PIWIL2: variants seen among roughly 807,000 people sequenced by gnomAD.
PIWIL2 encodes piwi like RNA-mediated gene silencing 2.
Under a neutral mutation model 116.5 loss-of-function variants are expected in PIWIL2, and 81 were observed. The observed-to-expected ratio is 0.70, with a 90% confidence interval of 0.58 to 0.84. The LOEUF is 0.84. PIWIL2 is among the 40% of genes least tolerant of loss of function. PIWIL2 has a pLI of 0.00. For synonymous variants in PIWIL2, 489 were observed against 429.5 expected (o/e 1.14, Z -1.71); for missense variants, 1,272 against 1,212.3 (o/e 1.05, Z -0.73).
At chr8:22,350,612 A>G (rs763585494) in intron 20 of PIWIL2, among the ~76,000 whole-genome samples, 2 of 152,136 alleles carry the variant, frequency 1.3e-5, no homozygotes, top group Non-Finnish European at 2.9e-5. Flanking sequence ...AATAAATAAA[A>G]AGTACCACAA....
At chr8:22,277,035 T>A (rs11780816) in intron 1 of PIWIL2, among the ~76,000 whole-genome samples, 9,997 of 133,656 alleles carry the variant, frequency 0.075, 416 homozygotes, top group Non-Finnish European at 0.12. Context: ...ATATATATAT[T>A]TTTTTTTTTG....
chr8:22,337,592 G>A (rs1044126277), intron 20 of PIWIL2, among the ~76,000 whole-genome samples: 5 of 151,426 alleles, frequency 3.3e-5, no homozygotes, highest in Admixed American at 1.3e-4. Context: ...ATAGCTGGGC[G>A]TGGTGGTGCA....
chr8:22,320,253 G>A (rs1276112289), intron 20 of PIWIL2, among the ~76,000 whole-genome samples: 3 of 137,038 alleles, frequency 2.2e-5, no homozygotes, highest in Non-Finnish European at 4.7e-5. Flanking sequence ...GAGCTGCTGC[G>A]CCCGGCTTTT....
At chr8:22,326,530 C>CATCTA (rs1361568504) in intron 20 of PIWIL2, among the ~76,000 whole-genome samples, 4 of 152,148 alleles carry the variant, frequency 2.6e-5, no homozygotes, top group African/African-American at 4.8e-5. Flanking sequence ...TTTCTGGTAA[C>CATCTA]ATCTAATTTG....
At chr8:22,355,309 T>C (rs1394413302) in intron 22 of PIWIL2, 40 bp from the exon 23 acceptor site, 3 of 1,605,906 alleles carry the variant, frequency 1.9e-6, no homozygotes, top group Non-Finnish European at 1.7e-6. Flanking sequence ...AAATTGAAGG[T>C]GGGGGATGAT....
At chr8:22,346,687 G>A (rs1012837929) in intron 20 of PIWIL2, among the ~76,000 whole-genome samples, 14 of 152,068 alleles carry the variant, frequency 9.2e-5, no homozygotes, top group African/African-American at 1.9e-4. Context: ...TTATTTATAT[G>A]GATACATATC....
At chr8:22,351,966 A>G (rs755818637) in intron 20 of PIWIL2, among the ~76,000 whole-genome samples, 25 of 152,120 alleles carry the variant, frequency 1.6e-4, no homozygotes, top group Non-Finnish European at 2.1e-4. Flanking sequence ...AAGTGAACTT[A>G]CCCTCTTGAA....
intron 16 of PIWIL2, among the ~76,000 whole-genome samples, chr8:22,313,153 C>T (rs542085890): frequency 5.3e-5 from 8 of 152,280 alleles, no homozygotes; most frequent in South Asian, 2.1e-4. Context: ...TCATTCATAT[C>T]GCTTACCAAC....
At chr8:22,327,024 C>CTTTTTTTTTTTTTTTTTTTT (rs71544876) in intron 20 of PIWIL2, among the ~76,000 whole-genome samples, 1 of 105,470 alleles carries the variant, frequency 9.5e-6, no homozygotes, top group African/African-American at 3.7e-5. Flanking sequence ...TGTTTTTTTA[C>CTTTTTTTTTTTTTTTTTTTT]TTTTTTTTTT....
chr8:22,287,629 C>T lies in PIWIL2; in HGVS notation c.845C>T (p.Pro282Leu), dbSNP rs1474952510. 4 of 1,602,462 alleles carry T rather than the reference C, an allele frequency of 2.5e-6. No homozygotes were observed. Among genetic ancestry groups the T allele is most frequent in the Non-Finnish European group, 3.4e-6 (4 of 1,169,410 alleles). Residue 282 changes from proline (P) to leucine (L), a missense_variant, in exon 7 of 23, where the codon CCT becomes CTT. By Grantham distance (98) the Pro-to-Leu change is moderately conservative. Coordinates refer to ENST00000356766, the MANE Select transcript of PIWIL2 (RefSeq NM_018068.5). ...TAFDGSILYL[P>L]VKLQQVLELK... ...TTTGATGGATCTATTCTCTATCTGC[C>T]TGTTAAGCTTCAACAAGTGAGACCA... is the stretch of plus-strand genomic sequence containing the variant.
intron 20 of PIWIL2, among the ~76,000 whole-genome samples, chr8:22,329,494 A>G (rs562653621): frequency 1.3e-5 from 2 of 152,308 alleles, no homozygotes; most frequent in Non-Finnish European, 2.9e-5. Flanking sequence ...GTGAGAGAGA[A>G]GAAGAGGCGG....
chr8:22,312,194 G>A (rs773121304), intron 16 of PIWIL2, among the ~76,000 whole-genome samples: 9 of 151,570 alleles, frequency 5.9e-5, no homozygotes, highest in Non-Finnish European at 1.3e-4. Flanking sequence ...AGCCTGGGGA[G>A]GTTGAGGCTG....
intron 18 of PIWIL2, among the ~76,000 whole-genome samples, chr8:22,315,493 T>C (rs1831436955): frequency 7.7e-6 from 1 of 129,148 alleles, no homozygotes; most frequent in African/African-American, 5.0e-5. Flanking sequence ...ATTTTTGTAT[T>C]TTTAGTACAG....
At chr8:22,289,152 CTTTTTTT>C (rs374688951) in intron 8 of PIWIL2, among the ~76,000 whole-genome samples, 55 of 135,312 alleles carry the variant, frequency 4.1e-4, no homozygotes, top group African/African-American at 1.4e-3. Flanking sequence ...TTTCTTTTTT[CTTTTTTT>C]TTTTTTTTTT....
Position 22,283,254 on chromosome 8 carries a change from A to G in PIWIL2, c.632+14A>G. 2.5e-6 allele frequency: 4 copies of G among 1,580,020 alleles called. No homozygotes were observed. The highest frequency in any genetic ancestry group is 2.6e-6 in the Non-Finnish European group (3 of 1,149,518). On this transcript the variant is annotated intron_variant, in intron 5 of 22. Coordinates refer to ENST00000356766, the MANE Select transcript of PIWIL2 (RefSeq NM_018068.5). Reference sequence around the variant, plus strand: ...ACACAAGGAAAAGTAAGTCAGGAGCACTGCCTTCTCTACTTAGTAATGATC... The same window carrying G: ...ACACAAGGAAAAGTAAGTCAGGAGCGCTGCCTTCTCTACTTAGTAATGATC...
At position 22,355,749 on chromosome 8, in the gene PIWIL2, T is replaced by C; in HGVS notation, c.*244T>C. 1 of 489,046 alleles carries C rather than the reference T, an allele frequency of 2.0e-6. No homozygotes were observed. The allele number at this position is 489,046 out of a possible 1,614,324, so 30.3% of individuals were successfully genotyped here. A position where few individuals can be genotyped will look rare whatever the true frequency, so the allele number is the denominator to read the frequency against. ...GCAAGTTACGGTGGTACTGCCACTC[T>C]GCAGGTGGAGCGGGTGACTCTGGGG... On this transcript the variant is annotated 3_prime_UTR_variant, in exon 23 of 23. Transcript: ENST00000356766.
In PIWIL2 at chr8:22,355,502, G is replaced by T. The variant is rs1472699200; in HGVS notation, c.2919G>T (p.Leu973=). The change falls in exon 23 of 23, where the codon CTG becomes CTT. Residue 973 remains leucine (L), a synonymous_variant. Coordinates refer to ENST00000356766, the MANE Select transcript of PIWIL2 (RefSeq NM_018068.5). Reference sequence around the variant, plus strand: ...AGCTGTGCGAGAACCTGTTCTTCCTGTGACTGCACAGCTTGGAGATGGGCT... The same window carrying T: ...AGCTGTGCGAGAACCTGTTCTTCCTTTGACTGCACAGCTTGGAGATGGGCT... ...AIQLCENLFF[L] The T allele has an allele frequency of 6.2e-7, 1 of 1,613,810 alleles. No individual in the cohort carries two copies. The highest frequency in any genetic ancestry group is 2.2e-5 in the East Asian group (1 of 44,888).
rs747979843 is a variant in PIWIL2 at position 22,310,015 on chromosome 8, A to G, written c.1741A>G (p.Ile581Val). Residue 581 changes from isoleucine (I) to valine (V), a missense_variant, in exon 15 of 23, where the codon ATC becomes GTC. Coordinates refer to ENST00000356766, the MANE Select transcript of PIWIL2 (RefSeq NM_018068.5). ...ERINLKNTSF[I>V]TSQELNWVKE... ...AATTAACTTAAAAAATACTTCGTTT[A>G]TCACATCTCAGGAACTAAACTGGGT... 1.2e-6 allele frequency: 2 copies of G among 1,612,192 alleles called. No individual in the cohort carries two copies.
At chr8:22,341,300 A>C (rs977567850) in intron 20 of PIWIL2, among the ~76,000 whole-genome samples, 4 of 125,674 alleles carry the variant, frequency 3.2e-5, no homozygotes, top group African/African-American at 1.1e-4. Flanking sequence ...TTCATGATTT[A>C]AAAAAAAAAA....
Sources: allele counts gnomAD v4.1 joint callset (sites outside exome capture counted in the v4.1 genomes callset), GRCh38; gene constraint gnomAD v4.1.1; transcripts MANE v1.5; gene names NCBI Gene and HGNC (gene_info 2026-07-23, HGNC 2026-07-21).